ARHGAP29: variants seen among roughly 807,000 people sequenced by gnomAD.
ARHGAP29 encodes the protein rho GTPase-activating protein 29.
A neutral mutation model predicts 122.6 loss-of-function variants in ARHGAP29; 43 were observed. The observed-to-expected ratio is 0.35, with a 90% CI of 0.27 to 0.45. The LOEUF is 0.45. ARHGAP29 is among the 20% of genes least tolerant of loss of function. The probability of loss-of-function intolerance (pLI) is 1.00; values close to 1 mark genes in which losing one functional copy is unlikely to be tolerated. For missense variants in ARHGAP29, 1,303 were observed against 1,477.2 expected (o/e 0.88, Z 1.93); for synonymous variants, 506 against 497.1 (o/e 1.02, Z -0.24).
At position 94,173,189 on chromosome 1, in the gene ARHGAP29, T is replaced by C. The variant is rs1485001965; in HGVS notation, c.*680A>G. The C allele has an allele frequency of 6.6e-6, 1 of 152,582 alleles. No homozygotes were observed. The highest frequency in any genetic ancestry group is 1.5e-5 in the Non-Finnish European group (1 of 68,012). The allele number at this position is 152,582 out of a possible 1,614,324, so 9.5% of individuals were successfully genotyped here. A position where few individuals can be genotyped will look rare whatever the true frequency, so the allele number is the denominator to read the frequency against. ...GCCAAATATAATATAACTGAATATA[T>C]AATTTAGAAACAGGTTTAAGTGCAT... On this transcript the variant is annotated 3_prime_UTR_variant, in exon 23 of 23. Coordinates refer to ENST00000260526, the MANE Select transcript of ARHGAP29 (RefSeq NM_004815.4).
At chr1:94,207,102 G>A (rs1651251237) in intron 5 of ARHGAP29, among the ~76,000 whole-genome samples, 1 of 14,242 alleles carries the variant, frequency 7.0e-5, no homozygotes, top group Admixed American at 2.0e-3. Flanking sequence ...TCTGCCTTCT[G>A]GGTTCAAGTG....
intron 1 of ARHGAP29, 95 bp from the exon 2 acceptor site, chr1:94,231,738 C>A: frequency 1.1e-6 from 1 of 881,656 alleles, no homozygotes; most frequent in Non-Finnish European, 1.7e-6. Context: ...TAGATTTTCA[C>A]AAACAGCCCA....
chr1:94,178,076 C>A lies in ARHGAP29; in HGVS notation c.2572G>T (p.Ala858Ser). 6.2e-7 allele frequency: 1 copy of A among 1,614,172 alleles called. No homozygotes were observed. Among genetic ancestry groups the A allele is most frequent in the East Asian group, 2.2e-5 (1 of 44,872 alleles). The part of the protein sequence containing the change: ...PSLIRPRPTT[A>S]PITISSLAEY... ...GCAAGGGAGGAGATGGTGATAGGAG[C>A]AGTTGTGGGCCTTGGCCTAATGAGA... is the stretch of plus-strand genomic sequence containing the variant. The change falls in exon 21 of 23, where the codon GCT becomes TCT. Residue 858 changes from alanine to serine, a missense_variant. Ala to Ser is a moderately conservative substitution (Grantham distance 99). This residue lies in a region of ARHGAP29 where 620 missense variants were observed against 651.2 expected (regional missense o/e 0.95). Coordinates refer to ENST00000260526, the MANE Select transcript of ARHGAP29 (RefSeq NM_004815.4).
intron 1 of ARHGAP29, among the ~76,000 whole-genome samples, chr1:94,269,472 C>T (rs1016057406): frequency 2.0e-5 from 3 of 152,124 alleles, no homozygotes; most frequent in Non-Finnish European, 2.9e-5. Context: ...CACCCTGAGA[C>T]AGTCAGGTTT....
chr1:94,260,626 G>C (rs1277540598), intron 1 of ARHGAP29, among the ~76,000 whole-genome samples: 1 of 152,180 alleles, frequency 6.6e-6, no homozygotes, highest in Non-Finnish European at 1.5e-5. Flanking sequence ...CTTTGTAGGG[G>C]TATGGGGGAC....
At chr1:94,200,858 A>G (rs1650796589) in intron 12 of ARHGAP29, among the ~76,000 whole-genome samples, 1 of 152,228 alleles carries the variant, frequency 6.6e-6, no homozygotes, top group African/African-American at 2.4e-5. Flanking sequence ...ACAGATCAGT[A>G]CTTGCCAGGG....
intron 2 of ARHGAP29, among the ~76,000 whole-genome samples, chr1:94,221,856 T>C (rs1652312360): frequency 6.6e-6 from 1 of 151,736 alleles, no homozygotes; most frequent in African/African-American, 2.4e-5. Context: ...TTTCTAATAC[T>C]ATTCTCCAAT....
At chr1:94,248,863 C>G (rs1336130544) in intron 1 of ARHGAP29, among the ~76,000 whole-genome samples, 2 of 152,088 alleles carry the variant, frequency 1.3e-5, no homozygotes, top group Admixed American at 1.3e-4. Flanking sequence ...TCACCACACC[C>G]AGCTAGCTCT....
rs372242631 is a variant in ARHGAP29 at position 94,213,633 on chromosome 1, T to A, written c.341-4283A>T. Among the ~76,000 whole-genome samples the A allele has an allele frequency of 1.8e-4, 27 of 152,356 alleles. No individual in the cohort carries two copies. In the South Asian group the frequency reaches 3.3e-3, roughly 19 times the overall value. On this transcript the variant is annotated intron_variant, in intron 3 of 22. Coordinates refer to ENST00000260526, the MANE Select transcript of ARHGAP29 (RefSeq NM_004815.4). ...TACAAAAACAGGCAGCTGGCCAGAT[T>A]TGGCCCACCAGCCTGTGTGCCAACG...
chr1:94,194,237 G>A (rs1026481591), intron 12 of ARHGAP29: 3 of 151,968 alleles, frequency 2.0e-5, no homozygotes, highest in Non-Finnish European at 2.9e-5. Flanking sequence ...TTAAATGCTC[G>A]GCTTCTTCAA....
Position 94,201,561 on chromosome 1 carries a change from G to A in ARHGAP29, c.1281+159C>T, listed in dbSNP as rs375262852. On this transcript the variant is annotated intron_variant, in intron 12 of 22. Coordinates refer to ENST00000260526, the MANE Select transcript of ARHGAP29 (RefSeq NM_004815.4). Reference sequence around the variant, plus strand: ...CTTTCTTGATCACCCACTCTAGAGTGGGTAATCATAATCGAAGCTCACTAT... The same window carrying A: ...CTTTCTTGATCACCCACTCTAGAGTAGGTAATCATAATCGAAGCTCACTAT... Among the ~76,000 whole-genome samples, 20 of 145,880 alleles carry A rather than the reference G, an allele frequency of 1.4e-4. No homozygotes were observed. The East Asian group carries it at 2.1e-3, about 15-fold the overall frequency.
chr1:94,185,126 G>A (rs1437013120), intron 17 of ARHGAP29, 66 bp from the exon 18 acceptor site: 16 of 1,441,644 alleles, frequency 1.1e-5, no homozygotes, highest in Non-Finnish European at 1.5e-5. Context: ...CAAACTGCAG[G>A]TGGAAGGTAA....
the ARHGAP29 span, among the ~76,000 whole-genome samples, chr1:94,306,412 T>C: frequency 6.6e-6 from 1 of 152,236 alleles, no homozygotes; most frequent in Admixed American, 6.5e-5. Context: ...TTAACTTTAC[T>C]TGCCTAAGTA....
At chr1:94,235,151 G>C (rs1306446056) in intron 1 of ARHGAP29, among the ~76,000 whole-genome samples, 2 of 152,008 alleles carry the variant, frequency 1.3e-5, no homozygotes, top group Admixed American at 6.6e-5. Flanking sequence ...TTAATGTGCT[G>C]ATTTTGTTAT....
At chr1:94,235,665 GAC>G (rs1653208077) in intron 1 of ARHGAP29, among the ~76,000 whole-genome samples, 1 of 152,120 alleles carries the variant, frequency 6.6e-6, no homozygotes, top group Non-Finnish European at 1.5e-5. Context: ...AAATATTTTT[GAC>G]ACACTAATTC....
chr1:94,230,309 C>T (rs1557877116), intron 2 of ARHGAP29, among the ~76,000 whole-genome samples: 1 of 151,724 alleles, frequency 6.6e-6, no homozygotes, highest in Non-Finnish European at 1.5e-5. Context: ...GCCATTTAAT[C>T]ATCCACAATC....
intron 5 of ARHGAP29, among the ~76,000 whole-genome samples, chr1:94,208,157 G>A (rs1316163024): frequency 6.6e-6 from 1 of 152,040 alleles, no homozygotes; most frequent in East Asian, 1.9e-4. Context: ...TAGGAACAGG[G>A]TCTCAATCAT....
At chr1:94,244,243 A>T (rs1041817719) in intron 1 of ARHGAP29, among the ~76,000 whole-genome samples, 2 of 151,732 alleles carry the variant, frequency 1.3e-5, no homozygotes, top group Non-Finnish European at 2.9e-5. Flanking sequence ...AAAAACACAC[A>T]CAAAAAACAA....
chr1:94,201,753 T>G lies in ARHGAP29; in HGVS notation c.1248A>C (p.Thr416=). 1 of 1,613,872 alleles carries G rather than the reference T, an allele frequency of 6.2e-7. No homozygotes were observed. The highest frequency in any genetic ancestry group is 8.5e-7 in the Non-Finnish European group (1 of 1,179,938). ...TKREILAQLR[T]LVFQCDLTLK... ...GGGTAAGATCACACTGGAAAACAAG[T>G]GTCCGGAGTTGTGCTAAAATTTCTC... The change falls in exon 12 of 23, where the codon ACA becomes ACC. Residue 416 remains threonine (T), a synonymous_variant. Transcript: ENST00000260526.
Sources: gnomAD v4.1 joint callset for allele counts (sites outside exome capture counted in the v4.1 genomes callset) on GRCh38, gnomAD v4.1.1 for gene constraint, gnomAD v4.1.1 regional missense constraint, MANE v1.5 for transcripts, NCBI Gene and HGNC (gene_info 2026-07-23, HGNC 2026-07-21) for gene names.